The following DENND2B variants were observed in gnomAD, a reference collection of about 807,000 sequenced individuals.
The protein encoded by DENND2B is DENN domain-containing protein 2B.
Under a neutral mutation model 116.0 loss-of-function variants are expected in DENND2B, and 32 were observed. That is an observed-to-expected ratio of 0.28 (90% CI 0.21 to 0.37). The LOEUF (loss-of-function observed/expected upper bound fraction) is 0.37. DENND2B is among the 10% of genes least tolerant of loss of function. The probability of loss-of-function intolerance (pLI) is 1.00; values close to 1 mark genes in which losing one functional copy is unlikely to be tolerated. For synonymous variants in DENND2B, 588 were observed against 583.9 expected, an observed-to-expected ratio of 1.01 and a Z score of -0.10; for missense variants, 1,276 against 1,477.7, an observed-to-expected ratio of 0.86 and a Z score of 2.24.
At chr11:8,870,015 C>T (rs915328914) in intron 2 of DENND2B, among the ~76,000 whole-genome samples, 1 of 152,134 alleles carries the variant, frequency 6.6e-6, no homozygotes, top group African/African-American at 2.4e-5. Flanking sequence ...AACCCTGTGG[C>T]CCCATCCCAA....
At chr11:8,751,490 G>T (rs2052477190) in intron 1 of DENND2B, among the ~76,000 whole-genome samples, 1 of 152,016 alleles carries the variant, frequency 6.6e-6, no homozygotes, top group Admixed American at 6.6e-5. Context: ...CACTCTTTGG[G>T]TCCACACTGC....
intron 14 of DENND2B, among the ~76,000 whole-genome samples, chr11:8,700,229 A>G (rs1168799679): frequency 6.6e-6 from 1 of 152,204 alleles, no homozygotes; most frequent in African/African-American, 2.4e-5. Flanking sequence ...GACAATGACC[A>G]TGGCTGGTAC....
At chr11:8,880,345 C>CTGTGTG (rs56051922) in intron 2 of DENND2B, among the ~76,000 whole-genome samples, 16,150 of 120,072 alleles carry the variant, frequency 0.13, 956 homozygotes, top group Non-Finnish European at 0.17. Flanking sequence ...TCACTTTGAA[C>CTGTGTG]TGTGTGTGTG....
intron 9 of DENND2B, among the ~76,000 whole-genome samples, chr11:8,711,627 G>A (rs2043711687): frequency 1.3e-5 from 2 of 152,048 alleles, no homozygotes; most frequent in Non-Finnish European, 1.5e-5. Context: ...CAGCGCTTTG[G>A]GAGGCCGAGA....
chr11:8,910,486 CG>C (rs2064303908), intron 1 of DENND2B, among the ~76,000 whole-genome samples: 1 of 151,966 alleles, frequency 6.6e-6, no homozygotes, highest in Non-Finnish European at 1.5e-5. Context: ...CTCCGCTTCC[CG>C]GGTTCAAGCG....
In DENND2B at chr11:8,750,639, G is replaced by A; in HGVS notation, c.62C>T (p.Pro21Leu). 1 of 1,614,122 alleles carries A rather than the reference G, an allele frequency of 6.2e-7. No individual in the cohort carries two copies. The highest frequency in any genetic ancestry group is 8.5e-7 in the Non-Finnish European group (1 of 1,180,026). Residue 21 changes from proline (P) to leucine (L), a missense_variant, in exon 2 of 20, where the codon CCT becomes CTT. This residue lies in a region of DENND2B where 856 missense variants were observed against 846.6 expected (regional missense o/e 1.01). Transcript: ENST00000313726. ...ITHGAGGTKA[P>L]RGTLSRSQSV... ...TACCCACCTGCTCAGAGTCCCCCGA[G>A]GGGCTTTAGTGCCACCAGCTCCGTG...
chr11:8,807,501 A>G (rs1166166860), intron 1 of DENND2B, among the ~76,000 whole-genome samples: 1 of 152,176 alleles, frequency 6.6e-6, no homozygotes, highest in Admixed American at 6.5e-5. Context: ...GAACCAGCAG[A>G]ACCAAGGGTG....
chr11:8,776,158 G>GCACACACA lies in DENND2B; in HGVS notation c.-25-25434_-25-25433insTGTGTGTG, dbSNP rs756959704. On this transcript the variant is annotated intron_variant, in intron 1 of 19. Coordinates refer to ENST00000313726, the MANE Select transcript of DENND2B (RefSeq NM_213618.2). ...CACGCACGTGCGCGCACGCGCGCGC[G>GCACACACA]CGCACACACACACACACACACACAC... The GCACACACA allele has an allele frequency of 1.5e-3, 513 of 338,374 alleles. 1 individual carries two copies. Among genetic ancestry groups the GCACACACA allele is most frequent in the African/African-American group, 4.4e-3 (137 of 31,198 alleles). 21.0% of individuals were successfully genotyped at this position (338,374 alleles called of 1,614,324 possible).
intron 4 of DENND2B, among the ~76,000 whole-genome samples, chr11:8,830,281 C>T (rs1207519509): frequency 6.6e-6 from 1 of 152,178 alleles, no homozygotes; most frequent in Non-Finnish European, 1.5e-5. Flanking sequence ...AACATCTCTC[C>T]TTTCCTTATA....
chr11:8,701,298 G>A (rs150642393), intron 14 of DENND2B, among the ~76,000 whole-genome samples: 13 of 131,248 alleles, frequency 9.9e-5, no homozygotes, highest in African/African-American at 3.0e-4. Flanking sequence ...AACATCAGGC[G>A]CCCTACATTC....
chr11:8,820,028 A>T (rs1476611488), intron 4 of DENND2B, among the ~76,000 whole-genome samples: 1 of 152,266 alleles, frequency 6.6e-6, no homozygotes, highest in African/African-American at 2.4e-5. Flanking sequence ...AGTAAATAAA[A>T]GTATATACAA....
At chr11:8,892,050 G>A (rs907580568) in intron 1 of DENND2B, among the ~76,000 whole-genome samples, 72 of 152,096 alleles carry the variant, frequency 4.7e-4, no homozygotes, top group Non-Finnish European at 9.0e-4. Flanking sequence ...TCTCTCAGAC[G>A]ACAGAGCAAT....
At chr11:8,715,565 C>A (rs571649294) in intron 6 of DENND2B, 38 bp downstream of exon 6, 1 of 1,605,382 alleles carries the variant, frequency 6.2e-7, no homozygotes, top group East Asian at 2.2e-5. Context: ...TGCCCGCCCA[C>A]CTGCCCGGCT....
At chr11:8,769,118 C>T (rs954170780) in intron 1 of DENND2B, among the ~76,000 whole-genome samples, 1 of 152,146 alleles carries the variant, frequency 6.6e-6, no homozygotes. Flanking sequence ...TCACTCACTG[C>T]CTGACTCAGC....
chr11:8,813,104 C>T (rs2061451253), upstream of DENND2B, among the ~76,000 whole-genome samples: 2 of 152,138 alleles, frequency 1.3e-5, no homozygotes, highest in Admixed American at 6.5e-5. Flanking sequence ...TTTAATGCAA[C>T]ATCCTATGCA....
At chr11:8,848,451 G>A (rs984660348) in intron 3 of DENND2B, among the ~76,000 whole-genome samples, 3 of 151,964 alleles carry the variant, frequency 2.0e-5, no homozygotes, top group Non-Finnish European at 4.4e-5. Context: ...CTGCAGGCAC[G>A]TGCCACCATG....
intron 1 of DENND2B, among the ~76,000 whole-genome samples, chr11:8,887,862 C>T (rs1167999529): frequency 1.3e-5 from 2 of 152,218 alleles, no homozygotes; most frequent in South Asian, 2.1e-4. Context: ...CCATGATCCA[C>T]AACCACCATC....
At chr11:8,814,957 A>G (rs1359051921), upstream of DENND2B, among the ~76,000 whole-genome samples, 8 of 152,164 alleles carry the variant, frequency 5.3e-5, no homozygotes, top group Non-Finnish European at 1.2e-4. Flanking sequence ...GGCACAACCA[A>G]AAATTCCTGT....
intron 1 of DENND2B, among the ~76,000 whole-genome samples, chr11:8,897,034 T>C (rs1195615920): frequency 1.3e-5 from 2 of 152,108 alleles, no homozygotes; most frequent in Admixed American, 1.3e-4. Flanking sequence ...AGGTCAGCAG[T>C]TCAAGACCAG....
Sources: allele counts gnomAD v4.1 joint callset (sites outside exome capture counted in the v4.1 genomes callset), GRCh38; gene constraint gnomAD v4.1.1; regional missense constraint gnomAD v4.1.1; transcripts MANE v1.5; gene names NCBI Gene and HGNC (gene_info 2026-07-23, HGNC 2026-07-21).